The following TAMM41 variants were observed in gnomAD, a reference collection of about 807,000 sequenced individuals.
The protein encoded by TAMM41 is TAM41 mitochondrial translocator assembly and maintenance homolog.
A neutral mutation model predicts 44.1 loss-of-function variants in TAMM41; 36 were observed. That is an observed-to-expected ratio of 0.82 (90% CI 0.63 to 1.08). TAMM41 has a LOEUF of 1.08. TAMM41 is among the 50% of genes least tolerant of loss of function. TAMM41 has a pLI of 0.00. For synonymous variants in TAMM41, 164 were observed against 153.1 expected, an observed-to-expected ratio of 1.07 and a Z score of -0.53; for missense variants, 417 against 404.3, an observed-to-expected ratio of 1.03 and a Z score of -0.27.
At chr3:11,781,551 A>G in the TAMM41 span, among the ~76,000 whole-genome samples, 1 of 152,084 alleles carries the variant, frequency 6.6e-6, no homozygotes, top group Non-Finnish European at 1.5e-5. Context: ...CCTGGCCAAC[A>G]TGGCAAAACC....
At chr3:11,840,822 C>G (rs533116960) in intron 2 of TAMM41, among the ~76,000 whole-genome samples, 48 of 152,178 alleles carry the variant, frequency 3.2e-4, no homozygotes, top group African/African-American at 1.1e-3. Context: ...AAATGACATG[C>G]TCAAGGTGGC....
intron 4 of TAMM41, among the ~76,000 whole-genome samples, chr3:11,823,537 G>A (rs533567666): frequency 2.6e-5 from 4 of 152,082 alleles, no homozygotes; most frequent in East Asian, 1.9e-4. Context: ...GATTACAGGC[G>A]TGAGCCACTG....
the TAMM41 span, among the ~76,000 whole-genome samples, chr3:11,722,243 A>C: frequency 6.6e-6 from 1 of 152,040 alleles, no homozygotes. Flanking sequence ...CGACCTTTGC[A>C]AGGATTAATC....
rs80170976 is a variant in TAMM41 at position 11,791,245 on chromosome 3, G to C, written c.938-664C>G. Among the ~76,000 whole-genome samples the C allele has an allele frequency of 5.3e-3, 803 of 152,300 alleles. 6 individuals are homozygous for C. The highest frequency in any genetic ancestry group is 0.018 in the African/African-American group (769 of 41,570). On this transcript the variant is annotated intron_variant, in intron 7 of 7. Transcript: ENST00000455809. ...CACCTAGTACAGGACCCAGAACACAGCAGGTGCTCTGTGAAAGCTTTTGAA... is the reference window on the plus strand; with the variant it reads ...CACCTAGTACAGGACCCAGAACACACCAGGTGCTCTGTGAAAGCTTTTGAA...
chr3:11,796,007 C>T (rs1008473083), intron 7 of TAMM41, among the ~76,000 whole-genome samples: 2 of 152,166 alleles, frequency 1.3e-5, no homozygotes, highest in Non-Finnish European at 2.9e-5. Context: ...GCTAAATAAT[C>T]AACTCCCAGG....
chr3:11,750,767 A>G, the TAMM41 span, among the ~76,000 whole-genome samples: 2 of 152,272 alleles, frequency 1.3e-5, no homozygotes, highest in South Asian at 4.1e-4. Context: ...TCAACTCACC[A>G]GGTGCACAGG....
intron 7 of TAMM41, among the ~76,000 whole-genome samples, chr3:11,798,171 T>C (rs2124927010): frequency 6.6e-6 from 1 of 152,286 alleles, no homozygotes; most frequent in East Asian, 1.9e-4. Flanking sequence ...GGAATATAAT[T>C]CATTATATCA....
At chr3:11,795,246 C>G (rs1321066930) in intron 7 of TAMM41, among the ~76,000 whole-genome samples, 1 of 152,146 alleles carries the variant, frequency 6.6e-6, no homozygotes, top group Non-Finnish European at 1.5e-5. Context: ...TTCTGATTGA[C>G]CACAAAGTCA....
chr3:11,819,536 A>AG (rs1192086365), intron 4 of TAMM41, among the ~76,000 whole-genome samples: 34 of 152,246 alleles, frequency 2.2e-4, no homozygotes, highest in African/African-American at 8.0e-4. Context: ...ACTATCACAG[A>AG]CAGTAATCAC....
intron 7 of TAMM41, among the ~76,000 whole-genome samples, chr3:11,794,359 A>C (rs2077556927): frequency 6.6e-6 from 1 of 151,976 alleles, no homozygotes. Context: ...GCTGGTCTTG[A>C]ACCCTTGGCC....
the TAMM41 span, among the ~76,000 whole-genome samples, chr3:11,762,803 T>C: frequency 3.5e-3 from 539 of 152,324 alleles, 6 homozygotes; most frequent in African/African-American, 0.012. Context: ...CTCACTCCTG[T>C]AATCCCAGCA....
the TAMM41 span, among the ~76,000 whole-genome samples, chr3:11,725,403 C>CTTCTTCT: frequency 3.9e-4 from 50 of 129,540 alleles, no homozygotes; most frequent in Non-Finnish European, 5.7e-4. Flanking sequence ...TTTCTTCTTC[C>CTTCTTCT]TCTTCTTCTT....
chr3:11,744,792 C>A, the TAMM41 span, among the ~76,000 whole-genome samples: 1 of 152,064 alleles, frequency 6.6e-6, no homozygotes, highest in Non-Finnish European at 1.5e-5. Context: ...TTCAGGAGGC[C>A]AAGGCAAGAG....
chr3:11,755,853 C>T, the TAMM41 span, among the ~76,000 whole-genome samples: 1 of 152,194 alleles, frequency 6.6e-6, no homozygotes, highest in Non-Finnish European at 1.5e-5. Flanking sequence ...ATAATTTCAC[C>T]CCATGAAGCA....
chr3:11,779,943 G>C, the TAMM41 span, among the ~76,000 whole-genome samples: 1 of 152,094 alleles, frequency 6.6e-6, no homozygotes, highest in African/African-American at 2.4e-5. Context: ...CTTCTCCATA[G>C]TCAGTCATCA....
At chr3:11,776,514 A>G in the TAMM41 span, among the ~76,000 whole-genome samples, 1 of 152,054 alleles carries the variant, frequency 6.6e-6, no homozygotes, top group African/African-American at 2.4e-5. Context: ...TGTGTTAACA[A>G]CTGCCTCGGT....
At chr3:11,784,793 TTTC>T in the TAMM41 span, among the ~76,000 whole-genome samples, 1,284 of 135,058 alleles carry the variant, frequency 9.5e-3, 30 homozygotes, top group African/African-American at 0.035. Context: ...CTTCTTTTCT[TTTC>T]TTTTTTTTTT....
At chr3:11,754,708 C>CTTTTTTTT in the TAMM41 span, among the ~76,000 whole-genome samples, 3 of 103,562 alleles carry the variant, frequency 2.9e-5, no homozygotes, top group African/African-American at 3.8e-5. Flanking sequence ...TCTCAGATCT[C>CTTTTTTTT]TTTTTTTTTT....
the TAMM41 span, among the ~76,000 whole-genome samples, chr3:11,781,401 G>A: frequency 6.6e-6 from 1 of 152,072 alleles, no homozygotes; most frequent in Non-Finnish European, 1.5e-5. Flanking sequence ...TGTGGGGTGG[G>A]TAGAACAGCA....
Sources: gnomAD v4.1 joint callset for allele counts (sites outside exome capture counted in the v4.1 genomes callset) on GRCh38, gnomAD v4.1.1 for gene constraint, MANE v1.5 for transcripts, NCBI Gene and HGNC (gene_info 2026-07-23, HGNC 2026-07-21) for gene names.